The following PDE4D variants were observed in gnomAD, a reference collection of about 807,000 sequenced individuals.
PDE4D encodes phosphodiesterase 4D.
In PDE4D, 24 loss-of-function variants were observed where a neutral mutation model predicts 87.4. The observed-to-expected ratio is 0.27, with a 90% CI of 0.20 to 0.39. The LOEUF is 0.39. Ranked by LOEUF, PDE4D falls within the 10% of genes least tolerant of loss-of-function variation. PDE4D has a pLI of 1.00. For missense variants in PDE4D, 714 were observed against 1,041.0 expected, an observed-to-expected ratio of 0.69 and a Z score of 4.32; for synonymous variants, 384 against 383.2, an observed-to-expected ratio of 1.00 and a Z score of -0.02.
At chr5:59,496,264 G>A (rs1807170040) in intron 1 of PDE4D, among the ~76,000 whole-genome samples, 1 of 152,076 alleles carries the variant, frequency 6.6e-6, no homozygotes, top group South Asian at 2.1e-4. Context: ...TCCCCTCGAT[G>A]TCCTCTCCAC....
chr5:60,219,206 T>C (rs1744212543), intron 1 of PDE4D, among the ~76,000 whole-genome samples: 1 of 152,176 alleles, frequency 6.6e-6, no homozygotes, highest in Non-Finnish European at 1.5e-5. Flanking sequence ...TGGTTACCCA[T>C]TTCCAAAGCA....
intron 2 of PDE4D, among the ~76,000 whole-genome samples, chr5:60,048,053 A>AT (rs1419308803): frequency 1.3e-5 from 2 of 152,044 alleles, no homozygotes; most frequent in East Asian, 3.9e-4. Flanking sequence ...GTGCTCCTGT[A>AT]TTGGGTGCAT....
At chr5:59,219,619 C>T (rs1473565624) in intron 1 of PDE4D, among the ~76,000 whole-genome samples, 1 of 152,140 alleles carries the variant, frequency 6.6e-6, no homozygotes, top group Non-Finnish European at 1.5e-5. Context: ...AGATATACTA[C>T]ACATTGTCCT....
At chr5:59,566,548 G>A (rs921116313) in intron 1 of PDE4D, among the ~76,000 whole-genome samples, 50 of 145,990 alleles carry the variant, frequency 3.4e-4, no homozygotes, top group African/African-American at 1.3e-3. Context: ...GTGTGTGTGT[G>A]TGTGTGTGTG....
intron 3 of PDE4D, among the ~76,000 whole-genome samples, chr5:59,957,572 G>C (rs1489246501): frequency 6.6e-6 from 1 of 151,922 alleles, no homozygotes; most frequent in South Asian, 2.1e-4. Context: ...TAGAGAAAAG[G>C]AATATAACAT....
intron 1 of PDE4D, among the ~76,000 whole-genome samples, chr5:60,285,666 A>G (rs1343040793): frequency 6.6e-6 from 1 of 152,232 alleles, no homozygotes; most frequent in Non-Finnish European, 1.5e-5. Flanking sequence ...TGTGAATATA[A>G]CACTACTAAA....
chr5:60,351,168 G>A (rs1759156871), intron 1 of PDE4D, among the ~76,000 whole-genome samples: 1 of 152,136 alleles, frequency 6.6e-6, no homozygotes, highest in Non-Finnish European at 1.5e-5. Context: ...CCTCAGCACA[G>A]AGCCAAAAGG....
rs117375335 is a variant in PDE4D, at chr5:60,075,056, G to C, written c.43-86339C>G. 1.5e-3 allele frequency among the ~76,000 whole-genome samples: 224 copies of C among 152,222 alleles called. 5 individuals are homozygous for C. The East Asian group carries it at 0.041, about 28-fold the overall frequency. ...TTTGATCCTGTCATCATGTTGTTAG[G>C]TGGTTACTATGCAGACTTGTTTGTG... On this transcript the variant is annotated intron_variant, in intron 2 of 16. Transcript: ENST00000502484.
intron 2 of PDE4D, among the ~76,000 whole-genome samples, chr5:60,133,061 C>T (rs764147022): frequency 6.6e-6 from 1 of 152,096 alleles, no homozygotes; most frequent in Admixed American, 6.6e-5. Flanking sequence ...ATAATAAAAG[C>T]TCATGTTTCC....
chr5:59,275,556 G>A (rs539675943), intron 1 of PDE4D: 1 of 1,426,534 alleles, frequency 7.0e-7, no homozygotes, highest in Admixed American at 2.7e-5. Flanking sequence ...CCTGTCCTCG[G>A]TCCAGCTCAT....
intron 1 of PDE4D, among the ~76,000 whole-genome samples, chr5:59,526,346 A>C (rs1406785655): frequency 6.6e-6 from 1 of 152,182 alleles, no homozygotes; most frequent in African/African-American, 2.4e-5. Context: ...GGGACCATGA[A>C]GGGGGAGACA....
chr5:59,617,226 A>C (rs1829815879), intron 1 of PDE4D, among the ~76,000 whole-genome samples: 1 of 151,972 alleles, frequency 6.6e-6, no homozygotes, highest in South Asian at 2.1e-4. Context: ...TCCATCTTCA[A>C]CCTTGAAGAG....
At chr5:60,273,228 C>G (rs1339122712) in intron 1 of PDE4D, among the ~76,000 whole-genome samples, 3 of 152,018 alleles carry the variant, frequency 2.0e-5, no homozygotes, top group Non-Finnish European at 4.4e-5. Flanking sequence ...AGGAAGTCAT[C>G]TATTCAGAGG....
intron 3 of PDE4D, among the ~76,000 whole-genome samples, chr5:59,928,395 T>C (rs1052071239): frequency 6.6e-6 from 1 of 151,878 alleles, no homozygotes; most frequent in African/African-American, 2.4e-5. Flanking sequence ...CTGGCCAACA[T>C]CCTGAGACAC....
At chr5:59,822,497 T>C (rs2152689789) in intron 1 of PDE4D, among the ~76,000 whole-genome samples, 1 of 152,304 alleles carries the variant, frequency 6.6e-6, no homozygotes, top group East Asian at 1.9e-4. Flanking sequence ...TTTAAACCAA[T>C]GTAATATCTT....
intron 5 of PDE4D, among the ~76,000 whole-genome samples, chr5:59,108,847 T>G (rs1772068921): frequency 6.8e-6 from 1 of 147,552 alleles, no homozygotes; most frequent in African/African-American, 2.5e-5. Context: ...GAGGTTGCAG[T>G]AGTGAGTGGA....
At chr5:59,907,804 G>C (rs1397618451) in intron 3 of PDE4D, among the ~76,000 whole-genome samples, 2 of 152,102 alleles carry the variant, frequency 1.3e-5, no homozygotes, top group Non-Finnish European at 2.9e-5. Flanking sequence ...ACCTAGTTCT[G>C]ACTGAGGAAG....
chr5:60,234,914 A>C (rs1462677391), intron 1 of PDE4D, among the ~76,000 whole-genome samples: 1 of 151,862 alleles, frequency 6.6e-6, no homozygotes, highest in Admixed American at 6.6e-5. Context: ...AGCCAGAAGA[A>C]GTAAACAAAG....
chr5:59,397,183 T>A (rs1789586924), intron 1 of PDE4D, among the ~76,000 whole-genome samples: 1 of 115,218 alleles, frequency 8.7e-6, no homozygotes, highest in Non-Finnish European at 1.8e-5. Context: ...AGACAGAAAG[T>A]CAACAAGGAT....
Sources: allele counts gnomAD v4.1 joint callset (sites outside exome capture counted in the v4.1 genomes callset), GRCh38; gene constraint gnomAD v4.1.1; transcripts MANE v1.5; gene names NCBI Gene and HGNC (gene_info 2026-07-23, HGNC 2026-07-21).